The following FER variants were observed in gnomAD, a reference collection of about 807,000 sequenced individuals.
The protein encoded by FER is tyrosine-protein kinase Fer.
In FER, 63 loss-of-function variants were observed where a neutral mutation model predicts 111.0. The observed-to-expected ratio is 0.57, with a 90% confidence interval of 0.46 to 0.70. FER has a LOEUF of 0.70. Among genes scored for constraint, FER ranks in the 30% least tolerant of loss-of-function variants. The probability of loss-of-function intolerance (pLI) is 0.00; values close to 1 mark genes in which losing one functional copy is unlikely to be tolerated. For missense variants in FER, 914 were observed against 954.0 expected (o/e 0.96, Z 0.55); for synonymous variants, 327 against 313.9 (o/e 1.04, Z -0.44).
At chr5:109,012,996 G>A (rs1012486901) in intron 13 of FER, among the ~76,000 whole-genome samples, 170 of 150,992 alleles carry the variant, frequency 1.1e-3, no homozygotes, top group African/African-American at 4.0e-3. Context: ...GGAATTACCT[G>A]TTACTAGAAT....
chr5:109,109,576 A>G (rs940838430), intron 17 of FER, among the ~76,000 whole-genome samples: 4 of 152,236 alleles, frequency 2.6e-5, no homozygotes, highest in African/African-American at 4.8e-5. Flanking sequence ...ACACTGATTC[A>G]GGTTAGAGAA....
At chr5:108,784,538 G>A (rs1213039896) in intron 2 of FER, 3 of 152,584 alleles carry the variant, frequency 2.0e-5, no homozygotes, top group Non-Finnish European at 2.9e-5. Context: ...CTAACTCAGC[G>A]GCGCTAGAGG....
chr5:108,961,669 T>C (rs190811188), intron 13 of FER, among the ~76,000 whole-genome samples: 33 of 152,286 alleles, frequency 2.2e-4, no homozygotes, highest in African/African-American at 6.7e-4. Flanking sequence ...TTGTTGCAAA[T>C]ATTATACACT....
intron 13 of FER, among the ~76,000 whole-genome samples, chr5:109,006,239 A>G (rs1303134428): frequency 1.3e-5 from 2 of 152,216 alleles, no homozygotes; most frequent in Admixed American, 6.5e-5. Context: ...TTCATTGAGC[A>G]GTTATATTGA....
chr5:109,186,808 T>C (rs1053298244), intron 19 of FER, among the ~76,000 whole-genome samples: 3 of 152,210 alleles, frequency 2.0e-5, no homozygotes, highest in Non-Finnish European at 4.4e-5. Context: ...TTGTGTAGCA[T>C]ACAGTCTCGA....
chr5:108,971,780 G>T (rs1265900244), intron 13 of FER, among the ~76,000 whole-genome samples: 1 of 151,950 alleles, frequency 6.6e-6, no homozygotes, highest in African/African-American at 2.4e-5. Flanking sequence ...ATAAAAATTA[G>T]CATTAAATAC....
chr5:108,951,225 T>C (rs901058865), intron 11 of FER, among the ~76,000 whole-genome samples: 3 of 151,960 alleles, frequency 2.0e-5, no homozygotes, highest in Non-Finnish European at 2.9e-5. Flanking sequence ...GATGACGCCA[T>C]TGGACTCCAG....
At chr5:108,927,325 A>G (rs1161387429) in intron 10 of FER, among the ~76,000 whole-genome samples, 2 of 134,278 alleles carry the variant, frequency 1.5e-5, no homozygotes, top group African/African-American at 6.2e-5. Flanking sequence ...CAGTGGCGCA[A>G]TCTTGGCTCA....
intron 16 of FER, among the ~76,000 whole-genome samples, chr5:109,076,685 G>T (rs1776384855): frequency 6.6e-6 from 1 of 152,098 alleles, no homozygotes; most frequent in Admixed American, 6.5e-5. Context: ...TGATTCACCT[G>T]CCTTGACCTC....
chr5:108,788,404 G>A (rs1485567857), intron 2 of FER, among the ~76,000 whole-genome samples: 1 of 152,134 alleles, frequency 6.6e-6, no homozygotes, highest in Non-Finnish European at 1.5e-5. Context: ...TGTGAGCTGA[G>A]TGCAGCCTGC....
At position 108,879,701 on chromosome 5, in the gene FER, A is replaced by AAATATATATATATATAT; in HGVS notation, c.924-3694_924-3693insATATATATATATATATA. ...ATGTATTTTTTTTAGATTAAAAAAAAATATATATATATATATATATATATT... is the reference window on the plus strand; with the variant it reads ...ATGTATTTTTTTTAGATTAAAAAAAAAATATATATATATATATATATATATATATATATATATATATT... On this transcript the variant is annotated intron_variant, in intron 8 of 19. Coordinates refer to ENST00000281092, the MANE Select transcript of FER (RefSeq NM_005246.4). 2.0e-3 allele frequency among the ~76,000 whole-genome samples: 198 copies of AAATATATATATATATAT among 99,050 alleles called. 1 individual carries two copies. The highest frequency in any genetic ancestry group is 7.3e-3 in the African/African-American group (152 of 20,862). The allele number at this position is 99,050 out of a possible 152,430, so 65.0% of individuals were successfully genotyped here. A position where few individuals can be genotyped will look rare whatever the true frequency, so the allele number is the denominator to read the frequency against.
chr5:109,129,632 TAAAAC>T (rs1412073950), intron 17 of FER, among the ~76,000 whole-genome samples: 1 of 151,892 alleles, frequency 6.6e-6, no homozygotes, highest in African/African-American at 2.4e-5. Flanking sequence ...CAAAACAAAA[TAAAAC>T]AAATATAAAA....
intron 13 of FER, among the ~76,000 whole-genome samples, chr5:108,987,767 A>G (rs1365111998): frequency 6.6e-6 from 1 of 152,116 alleles, no homozygotes; most frequent in African/African-American, 2.4e-5. Flanking sequence ...CTCTTTACCA[A>G]TTTGGATGCC....
Position 108,757,332 on chromosome 5 carries a change from T to C in FER, c.-206+9332T>C, listed in dbSNP as rs996483450. 2.6e-5 allele frequency among the ~76,000 whole-genome samples: 4 copies of C among 152,160 alleles called. No homozygotes were observed. In the East Asian group the frequency reaches 7.7e-4, roughly 29 times the overall value. Reference sequence around the variant, plus strand: ...GCTTTGGCTTTGTTCTGTTTGAGATTGTCCTAAACTATAACTTCTGTGAAG... The same window carrying C: ...GCTTTGGCTTTGTTCTGTTTGAGATCGTCCTAAACTATAACTTCTGTGAAG... On this transcript the variant is annotated intron_variant, in intron 1 of 19. Coordinates refer to ENST00000281092, the MANE Select transcript of FER (RefSeq NM_005246.4).
rs967728695 is a variant in FER, at chr5:108,820,037, A to T, written c.208-12733A>T. ...AGAACGGCTTGTCTAGGACATGGAA[A>T]GGGAATGGGAAAGAGTGGAGAGCAG... On this transcript the variant is annotated intron_variant, in intron 3 of 19. Coordinates refer to ENST00000281092, the MANE Select transcript of FER (RefSeq NM_005246.4). 1.4e-5 allele frequency: 14 copies of T among 985,308 alleles called. No homozygotes were observed. In the African/African-American group the frequency reaches 2.4e-4, roughly 17 times the overall value. 61.0% of individuals were successfully genotyped at this position (985,308 alleles called of 1,614,324 possible). A position where few individuals can be genotyped will look rare whatever the true frequency, so the allele number is the denominator to read the frequency against.
At chr5:108,784,777 G>A (rs1475086702) in intron 2 of FER, among the ~76,000 whole-genome samples, 2 of 152,226 alleles carry the variant, frequency 1.3e-5, no homozygotes, top group Non-Finnish European at 2.9e-5. Flanking sequence ...TCTGCAGCAG[G>A]AACATGTCCC....
intron 13 of FER, among the ~76,000 whole-genome samples, chr5:108,979,669 C>G (rs1293733303): frequency 6.6e-6 from 1 of 152,148 alleles, no homozygotes; most frequent in Non-Finnish European, 1.5e-5. Context: ...AAGTTTCTCT[C>G]TGTTACTAGT....
rs1005917173 is a variant in FER at position 109,196,176 on chromosome 5, G to A, written c.*8601G>A. 2 of 152,220 alleles carry A rather than the reference G, an allele frequency of 1.3e-5. No individual in the cohort carries two copies. The highest frequency in any genetic ancestry group is 3.8e-4 in the East Asian group (2 of 5,208). 9.4% of individuals were successfully genotyped at this position (152,220 alleles called of 1,614,324 possible). On this transcript the variant is annotated 3_prime_UTR_variant, in exon 20 of 20. Coordinates refer to ENST00000281092, the MANE Select transcript of FER (RefSeq NM_005246.4). ...GCCCATGCCATTCATTTGACTGTGG[G>A]TGGCCCTCTAGTCTAGGGCTCTCTT... is the stretch of plus-strand genomic sequence containing the variant.
chr5:108,945,029 T>A (rs1756792416), intron 10 of FER, among the ~76,000 whole-genome samples: 1 of 152,178 alleles, frequency 6.6e-6, no homozygotes, highest in African/African-American at 2.4e-5. Flanking sequence ...TGTTTTGATA[T>A]TACCAAAGGG....
Sources: gnomAD v4.1 joint callset for allele counts (sites outside exome capture counted in the v4.1 genomes callset) on GRCh38, gnomAD v4.1.1 for gene constraint, MANE v1.5 for transcripts, NCBI Gene and HGNC (gene_info 2026-07-23, HGNC 2026-07-21) for gene names.